Variants in QRICH2 observed in about 807,000 individuals in gnomAD.
QRICH2 encodes glutamine-rich protein 2.
In QRICH2, 119 loss-of-function variants were observed where a neutral mutation model predicts 168.3. The observed-to-expected ratio is 0.71, with a 90% CI of 0.61 to 0.82. The LOEUF (loss-of-function observed/expected upper bound fraction) is 0.82, where lower values mean the gene tolerates loss of function less well. Ranked by LOEUF, QRICH2 falls within the 40% of genes least tolerant of loss-of-function variation. QRICH2 has a pLI of 0.00. For synonymous variants in QRICH2, 894 were observed against 951.2 expected (o/e 0.94, Z 1.11); for missense variants, 2,241 against 2,491.6 (o/e 0.90, Z 2.14).
intron 7 of QRICH2, 151 bp from the exon 8 acceptor site, chr17:76,282,266 T>A (rs1230676279): frequency 1.1e-6 from 1 of 905,480 alleles, no homozygotes; most frequent in Admixed American, 2.8e-5. Flanking sequence ...GCATGTGCCA[T>A]CATGGGCATC....
In QRICH2 at chr17:76,275,929, C is replaced by A; in HGVS notation, c.5372G>T (p.Arg1791Leu). The change falls in exon 18 of 19, where the codon CGC (arginine) becomes CTC (leucine). Residue 1791 changes from arginine to leucine, a missense_variant. Transcript: ENST00000680821. ...GTGGGGCCTGGGCTGCTGGGACTTG[C>A]GCTTTGAGGTCCCTGAGCCTGATGG... ...LRKDSSGTSK[R>L]KSQQPRPHVH... 1 of 1,608,338 alleles carries A rather than the reference C, an allele frequency of 6.2e-7. No individual in the cohort carries two copies.
chr17:76,275,723 C>T, intron 18 of QRICH2, 96 bp downstream of exon 18: 2 of 1,462,010 alleles, frequency 1.4e-6, no homozygotes, highest in South Asian at 1.4e-5. Context: ...AGGCCCTCCC[C>T]TCTCCGGGGA....
Position 76,281,940 on chromosome 17 carries a change from C to T in QRICH2, c.4187G>A (p.Arg1396His), listed in dbSNP as rs368995679. 1.2e-5 allele frequency: 20 copies of T among 1,613,750 alleles called. No individual in the cohort carries two copies. The African/African-American group carries it at 1.3e-4, about 11-fold the overall frequency. The part of the protein sequence containing the change: ...VSHQVSTLVR[R>H]YEQLQDMVNS... The stretch of plus-strand genomic sequence containing the variant: ...GACCATGTCTTGGAGTTGCTCATAG[C>T]GCCGCACCAGCGTGCTGACCTGATG... Residue 1396 changes from arginine (R) to histidine (H), a missense_variant, in exon 8 of 19, where the codon CGC (arginine) becomes CAC (histidine). Arg to His is a conservative substitution (Grantham distance 29, BLOSUM62 0). Around this residue, in one of 3 missense-constraint regions of QRICH2, gnomAD observed 2,047 missense variants for 2,303.8 expected, o/e 0.89. Transcript: ENST00000680821. This position sits in a 1 kb window ranked among gnomAD's most constrained non-coding sequence, Gnocchi z 4.4.
At chr17:76,284,003 TAAAAATACAAA>T (rs1162726834) in intron 7 of QRICH2, among the ~76,000 whole-genome samples, 1 of 140,588 alleles carries the variant, frequency 7.1e-6, no homozygotes, top group Non-Finnish European at 1.5e-5. Flanking sequence ...CTGTATCTAC[TAAAAATACAAA>T]AAAATTACCC....
intron 7 of QRICH2, 101 bp from the exon 8 acceptor site, chr17:76,282,216 C>T (rs1197086500): frequency 1.2e-5 from 17 of 1,432,254 alleles, no homozygotes; most frequent in Admixed American, 2.4e-5. Context: ...TCTCCCCTGT[C>T]GTGCCCTGGG....
At chr17:76,276,108 C>A (rs182785410) in intron 17 of QRICH2, among the ~76,000 whole-genome samples, 161 bp from the exon 18 acceptor site, 2 of 151,326 alleles carry the variant, frequency 1.3e-5, no homozygotes, top group African/African-American at 4.9e-5. Context: ...CCCAGAGAAG[C>A]GGTCTTCATT....
At chr17:76,310,769 CTTTTTTT>C (rs75646857), upstream of QRICH2, 11 of 138,118 alleles carry the variant, frequency 8.0e-5, no homozygotes, top group Non-Finnish European at 1.6e-4. Context: ...CACACCTAGA[CTTTTTTT>C]TTTTTTTTTT....
In QRICH2 at chr17:76,281,943, C is replaced by T. The variant is rs554427852; in HGVS notation, c.4184G>A (p.Arg1395Gln). 1.3e-5 allele frequency: 21 copies of T among 1,613,858 alleles called. No homozygotes were observed. Among genetic ancestry groups the T allele is most frequent in the Admixed American group, 1.7e-5 (1 of 60,014 alleles). ...DVSHQVSTLVRRYEQLQDMVN... is the reference protein window; with the variant it reads ...DVSHQVSTLVQRYEQLQDMVN... ...CATGTCTTGGAGTTGCTCATAGCGC[C>T]GCACCAGCGTGCTGACCTGATGGCT... The change falls in exon 8 of 19, where the codon CGG becomes CAG. Residue 1395 changes from arginine to glutamine, a missense_variant. Physicochemically the swap from Arg to Gln is conservative, Grantham distance 43. This residue lies in a region of QRICH2 where 2,047 missense variants were observed against 2,303.8 expected (regional missense o/e 0.89). Coordinates refer to ENST00000680821, the MANE Select transcript of QRICH2 (RefSeq NM_001388453.1). The surrounding 1 kb of genome is among the most constrained non-coding windows in gnomAD (Gnocchi z 4.4).
At chr17:76,290,149 C>A in intron 4 of QRICH2, 72 bp from the exon 5 acceptor site, 1 of 1,113,816 alleles carries the variant, frequency 9.0e-7, no homozygotes. Context: ...ATTTCCAGCC[C>A]CTGTAACACT....
In QRICH2 at chr17:76,292,911, C is replaced by A; in HGVS notation, c.1816G>T (p.Asp606Tyr). ...CCAGGTTGGGCCAAACCAGACTGAT[C>A]CATTCCAGGCCGGACCAAACCACGC... ...DQRGLVRPGM[D>Y]QSGLAQPGAD... The change falls in exon 4 of 19, where the codon GAT becomes TAT. Residue 606 changes from aspartate (D) to tyrosine (Y), a missense_variant. By Grantham distance (160) the Asp-to-Tyr change is radical. Coordinates refer to ENST00000680821, the MANE Select transcript of QRICH2 (RefSeq NM_001388453.1). 1.2e-6 allele frequency: 2 copies of A among 1,602,838 alleles called. No individual in the cohort carries two copies. The highest frequency in any genetic ancestry group is 1.7e-6 in the Non-Finnish European group (2 of 1,179,094).
At position 76,301,872 on chromosome 17, in the gene QRICH2, T is replaced by TTG. The variant is rs139933188; in HGVS notation, c.705+2541_705+2542dup. On this transcript the variant is annotated intron_variant, in intron 3 of 18. Coordinates refer to ENST00000680821, the MANE Select transcript of QRICH2 (RefSeq NM_001388453.1). ...CTCCTGCCACCACACCTGGCTAATT[T>TTG]TGTGTGTGTGTGTGTGTGTGTGTGT... Among the ~76,000 whole-genome samples the TTG allele has an allele frequency of 7.3e-3, 988 of 136,226 alleles. 7 individuals carry two copies. Among genetic ancestry groups the TTG allele is most frequent in the East Asian group, 1.0e-2 (45 of 4,520 alleles). The allele number at this position is 136,226 out of a possible 152,430, so 89.4% of individuals were successfully genotyped here. A position where few individuals can be genotyped will look rare whatever the true frequency, so the allele number is the denominator to read the frequency against.
At chr17:76,294,990 G>C (rs1171287519) in intron 3 of QRICH2, among the ~76,000 whole-genome samples, 2 of 151,746 alleles carry the variant, frequency 1.3e-5, no homozygotes, top group Non-Finnish European at 2.9e-5. Context: ...CCAGCACTTT[G>C]GGAGGCCGAG....
At position 76,274,104 on chromosome 17, in the gene QRICH2, C is replaced by T. The variant is rs1231321245; in HGVS notation, c.5639G>A (p.Gly1880Glu). 2 of 1,582,480 alleles carry T rather than the reference C, an allele frequency of 1.3e-6. No individual in the cohort carries two copies. Residue 1880 changes from glycine (G) to glutamate (E), a missense_variant, in exon 19 of 19, where the codon GGG becomes GAG. Transcript: ENST00000680821. ...TCACTGAGCGGTGCTGGACCGCGGC[C>T]CCCGCGTGGGCTCCTCGAGCCCCTC... Reference protein sequence around the residue: ...PGEGLEEPTRGPRSSTAQ With the variant: ...PGEGLEEPTREPRSSTAQ
In QRICH2 at chr17:76,291,951, C is replaced by T. The variant is rs1418651549; in HGVS notation, c.2776G>A (p.Ala926Thr). Residue 926 changes from alanine (A) to threonine (T), a missense_variant, in exon 4 of 19, where the codon GCA becomes ACA. Around this residue, in one of 3 missense-constraint regions of QRICH2, gnomAD observed 2,047 missense variants for 2,303.8 expected, o/e 0.89. Transcript: ENST00000680821. ...IGQQGMVQPQ[A>T]DPHGLVQPGA... ...GGTTGTACCAGGCCATGTGGATCTGCCTGAGGTTGCACCATACCTTGCTGA... is the reference window on the plus strand; with the variant it reads ...GGTTGTACCAGGCCATGTGGATCTGTCTGAGGTTGCACCATACCTTGCTGA... 1 of 1,614,190 alleles carries T rather than the reference C, an allele frequency of 6.2e-7. No individual in the cohort carries two copies. The highest frequency in any genetic ancestry group is 1.1e-5 in the South Asian group (1 of 91,080).
rs1033575820 is a variant in QRICH2, at chr17:76,293,937, T to G, written c.790A>C (p.Thr264Pro). Residue 264 changes from threonine to proline, a missense_variant, in exon 4 of 19, where the codon ACC (threonine) becomes CCC (proline). Physicochemically the swap from Thr to Pro is conservative, Grantham distance 38. This residue lies in a region of QRICH2 where 2,047 missense variants were observed against 2,303.8 expected (regional missense o/e 0.89). Transcript: ENST00000680821. ...SPEGTLSGDS[T>P]KQPSIEQALD... The stretch of plus-strand genomic sequence containing the variant: ...GCCTGCTCAATACTTGGTTGCTTGG[T>G]AGAGTCTCCGCTTAGAGTCCCTTCA... 2 of 1,614,140 alleles carry G rather than the reference T, an allele frequency of 1.2e-6. No individual in the cohort carries two copies. The highest frequency in any genetic ancestry group is 1.7e-6 in the Non-Finnish European group (2 of 1,180,032).
intron 3 of QRICH2, among the ~76,000 whole-genome samples, chr17:76,299,443 T>C (rs2070858784): frequency 6.6e-6 from 1 of 152,020 alleles, no homozygotes; most frequent in Non-Finnish European, 1.5e-5. Flanking sequence ...ATCAGAAAGA[T>C]GTTGCAAGAG....
intron 3 of QRICH2, among the ~76,000 whole-genome samples, chr17:76,303,743 G>T (rs1441589138): frequency 6.6e-6 from 1 of 151,778 alleles, no homozygotes; most frequent in Non-Finnish European, 1.5e-5. Flanking sequence ...CGTGGTGGTG[G>T]GCGCCTGTAG....
At chr17:76,306,310 T>TA (rs2143412219) in intron 1 of QRICH2, among the ~76,000 whole-genome samples, 1 of 151,840 alleles carries the variant, frequency 6.6e-6, no homozygotes, top group Non-Finnish European at 1.5e-5. Context: ...CCTGGGGTGA[T>TA]ATGGCAGGAG....
At chr17:76,290,919 G>A (rs2070974502) in intron 4 of QRICH2, 96 bp downstream of exon 4, 1 of 1,524,730 alleles carries the variant, frequency 6.6e-7, no homozygotes, top group Non-Finnish European at 8.8e-7. Context: ...TCAGGGAGAT[G>A]TGTAGCAGCC....
Sources: gnomAD v4.1 joint callset for allele counts (sites outside exome capture counted in the v4.1 genomes callset) on GRCh38, gnomAD v4.1.1 for gene constraint, gnomAD v4.1.1 regional missense constraint, Gnocchi (gnomAD v3.1) non-coding constraint, MANE v1.5 for transcripts, NCBI Gene and HGNC (gene_info 2026-07-23, HGNC 2026-07-21) for gene names.